MS4A2: variants seen among roughly 807,000 people sequenced by gnomAD.
The protein encoded by MS4A2 is high affinity immunoglobulin epsilon receptor subunit beta.
A neutral mutation model predicts 27.9 loss-of-function variants in MS4A2; 26 were observed. That is an observed-to-expected ratio of 0.93 (90% CI 0.68 to 1.29). MS4A2 has a LOEUF of 1.29. Among genes scored for constraint, MS4A2 ranks in the 50% most tolerant of loss-of-function variants. MS4A2 has a pLI of 0.00. For missense variants in MS4A2, 284 were observed against 284.6 expected, an observed-to-expected ratio of 1.00 and a Z score of 0.01; for synonymous variants, 110 against 98.8, an observed-to-expected ratio of 1.11 and a Z score of -0.67.
At chr11:60,091,103 A>C (rs575103) in intron 3 of MS4A2, among the ~76,000 whole-genome samples, 11,080 of 152,214 alleles carry the variant, frequency 0.073, 825 homozygotes, top group African/African-American at 0.18. Context: ...GTGAGCTGAG[A>C]TTGTGCCATT....
rs191491307 is a variant in MS4A2, at chr11:60,095,964, A to C, written c.*308A>C. ...TTATAACTGTGCAAATACAGAAAAA[A>C]AGAAGGCTGGCTGAAAGTTGAGTTA... On this transcript the variant is annotated 3_prime_UTR_variant, in exon 7 of 7. Coordinates refer to ENST00000278888, the MANE Select transcript of MS4A2 (RefSeq NM_000139.5). 3.4e-6 allele frequency: 1 copy of C among 292,202 alleles called. No individual in the cohort carries two copies. The highest frequency in any genetic ancestry group is 7.7e-5 in the East Asian group (1 of 12,914). 18.1% of individuals were successfully genotyped at this position (292,202 alleles called of 1,614,324 possible). A position where few individuals can be genotyped will look rare whatever the true frequency, so the allele number is the denominator to read the frequency against.
In MS4A2 at chr11:60,095,282, T is replaced by A. The variant is rs184884754; in HGVS notation, c.637-276T>A. Among the ~76,000 whole-genome samples the A allele has an allele frequency of 6.5e-3, 995 of 152,094 alleles. 40 individuals are homozygous for A. Among genetic ancestry groups the A allele is most frequent in the Non-Finnish European group, 2.0e-3 (139 of 67,964 alleles). On this transcript the variant is annotated intron_variant, in intron 6 of 6. Coordinates refer to ENST00000278888, the MANE Select transcript of MS4A2 (RefSeq NM_000139.5). ...TGTCTCAAAAAAAATAAAAGAAATTTAAAAAATCACTCTCTTCCAAAGATA... is the reference window on the plus strand; with the variant it reads ...TGTCTCAAAAAAAATAAAAGAAATTAAAAAAATCACTCTCTTCCAAAGATA...
chr11:60,094,097 A>G, intron 6 of MS4A2, 35 bp downstream of exon 6: 2 of 1,415,760 alleles, frequency 1.4e-6, no homozygotes, highest in Non-Finnish European at 2.0e-6. Context: ...CTTGAATGAC[A>G]GGTTAACGAA....
chr11:60,093,295 G>A (rs538898815), intron 4 of MS4A2, 105 bp from the exon 5 acceptor site: 2 of 1,443,822 alleles, frequency 1.4e-6, no homozygotes, highest in African/African-American at 2.8e-5. Flanking sequence ...AAATTTGGAA[G>A]CAATGTGGAA....
rs1855837201 is a variant in MS4A2 at position 60,094,792 on chromosome 11, C to G, written c.636+730C>G. Among the ~76,000 whole-genome samples, 2 of 152,112 alleles carry G rather than the reference C, an allele frequency of 1.3e-5. 1 individual carries two copies. Among genetic ancestry groups the G allele is most frequent in the South Asian group, 4.2e-4 (2 of 4,796 alleles). On this transcript the variant is annotated intron_variant, in intron 6 of 6. Coordinates refer to ENST00000278888, the MANE Select transcript of MS4A2 (RefSeq NM_000139.5). ...GCAAAACCAAATCTTCAATTAAAAC[C>G]AAATCTTAAACCAAATCTCTACTAA...
In MS4A2 at chr11:60,092,296, C is replaced by CT. The variant is rs3038646; in HGVS notation, c.322-479dup. On this transcript the variant is annotated intron_variant, in intron 3 of 6. Transcript: ENST00000278888. ...AAGACCCTCATATGATTCATATACA[C>CT]TTTTTTTTTTTTTTTTTAGATGGAG... Among the ~76,000 whole-genome samples, 1,075 of 139,908 alleles carry CT rather than the reference C, an allele frequency of 7.7e-3. 6 individuals carry two copies. Among genetic ancestry groups the CT allele is most frequent in the South Asian group, 0.018 (80 of 4,328 alleles). 91.8% of individuals were successfully genotyped at this position (139,908 alleles called of 152,430 possible). A position where few individuals can be genotyped will look rare whatever the true frequency, so the allele number is the denominator to read the frequency against.
At chr11:60,091,906 A>T (rs923311211) in intron 3 of MS4A2, among the ~76,000 whole-genome samples, 2 of 152,152 alleles carry the variant, frequency 1.3e-5, no homozygotes, top group African/African-American at 4.8e-5. Flanking sequence ...TCTTTAGGAG[A>T]TTGCTTTGAA....
chr11:60,095,547 TC>T lies in MS4A2; in HGVS notation c.637-8del. The stretch of plus-strand genomic sequence containing the variant: ...GTGGTGATTGATATGAAATGATTTT[TC>T]CCTTATCAGGTTCCAGAGGATCGTG... On this transcript the variant is annotated splice_polypyrimidine_tract_variant and intron_variant, in intron 6 of 6. Transcript: ENST00000278888. 1 of 1,556,942 alleles carries T rather than the reference TC, an allele frequency of 6.4e-7. No individual in the cohort carries two copies. Among genetic ancestry groups the T allele is most frequent in the Non-Finnish European group, 8.9e-7 (1 of 1,128,046 alleles).
chr11:60,092,778 T>G lies in MS4A2; in HGVS notation c.322-14T>G. 1 of 1,612,084 alleles carries G rather than the reference T, an allele frequency of 6.2e-7. No individual in the cohort carries two copies. The highest frequency in any genetic ancestry group is 8.5e-7 in the Non-Finnish European group (1 of 1,178,586). ...GAAACTCATTGTGGCTTTTTTTTCC[T>G]CCTTTTTGAACAGTTTTCTATTTCT... On this transcript the variant is annotated splice_polypyrimidine_tract_variant and intron_variant, in intron 3 of 6. Transcript: ENST00000278888.
Position 60,093,364 on chromosome 11 carries a change from G to T in MS4A2, c.379-36G>T, listed in dbSNP as rs370473253. On this transcript the variant is annotated intron_variant, in intron 4 of 6. Transcript: ENST00000278888. ...AGGTTTATTGAATGTGCCAGCAAGT[G>T]CAGGCCCAGGTCTGAGTGTTCTTCA... 3.7e-6 allele frequency: 6 copies of T among 1,613,794 alleles called. No homozygotes were observed. The African/African-American group carries it at 4.0e-5, about 11-fold the overall frequency.
rs1473933355 is a variant in MS4A2, at chr11:60,095,748, C to T, written c.*92C>T. The T allele has an allele frequency of 1.3e-6, 1 of 792,436 alleles. No individual in the cohort carries two copies. Among genetic ancestry groups the T allele is most frequent in the Non-Finnish European group, 2.3e-6 (1 of 443,914 alleles). 49.1% of individuals were successfully genotyped at this position (792,436 alleles called of 1,614,324 possible). A position where few individuals can be genotyped will look rare whatever the true frequency, so the allele number is the denominator to read the frequency against. The stretch of plus-strand genomic sequence containing the variant: ...GCTACTGGAAAAATTTCTATTCTCT[C>T]CACAGCCTGCTGGTTTTACATTAGA... On this transcript the variant is annotated 3_prime_UTR_variant, in exon 7 of 7. Transcript: ENST00000278888.
At position 60,088,753 on chromosome 11, in the gene MS4A2, G is replaced by C. The variant is rs574715957; in HGVS notation, c.-13G>C. The C allele has an allele frequency of 6.2e-7, 1 of 1,609,648 alleles. No homozygotes were observed. The highest frequency in any genetic ancestry group is 8.5e-7 in the Non-Finnish European group (1 of 1,177,424). On this transcript the variant is annotated 5_prime_UTR_variant, in exon 1 of 7. Transcript: ENST00000278888. Reference sequence around the variant, plus strand: ...AATATTCTTTATTCCTGGACAGCTCGGTTAATGAAAAAATGGACACAGAAA... The same window carrying C: ...AATATTCTTTATTCCTGGACAGCTCCGTTAATGAAAAAATGGACACAGAAA...
chr11:60,095,786 A>G lies in MS4A2; in HGVS notation c.*130A>G. 1 of 706,556 alleles carries G rather than the reference A, an allele frequency of 1.4e-6. No individual in the cohort carries two copies. Among genetic ancestry groups the G allele is most frequent in the Non-Finnish European group, 2.6e-6 (1 of 385,638 alleles). The allele number at this position is 706,556 out of a possible 1,614,324, so 43.8% of individuals were successfully genotyped here. On this transcript the variant is annotated 3_prime_UTR_variant, in exon 7 of 7. Transcript: ENST00000278888. ...GTTTTACATTAGATTTATTCGCCTG[A>G]TAAGAATATTTTGTTTCTGCTGCTT...
intron 6 of MS4A2, among the ~76,000 whole-genome samples, chr11:60,094,876 G>A (rs146536579): frequency 0.012 from 1,853 of 152,260 alleles, 36 homozygotes; most frequent in African/African-American, 0.042. Flanking sequence ...TTAGCCCAGC[G>A]TGGTGGCAGG....
At position 60,090,388 on chromosome 11, in the gene MS4A2, G is replaced by T. The variant is rs372506133; in HGVS notation, c.239G>T (p.Cys80Phe). 3.1e-6 allele frequency: 5 copies of T among 1,613,212 alleles called. No individual in the cohort carries two copies. The highest frequency in any genetic ancestry group is 3.4e-6 in the Non-Finnish European group (4 of 1,179,814). Residue 80 changes from cysteine (C) to phenylalanine (F), a missense_variant, in exon 3 of 7, where the codon TGC (cysteine) becomes TTC (phenylalanine). Coordinates refer to ENST00000278888, the MANE Select transcript of MS4A2 (RefSeq NM_000139.5). ...TGCCTTTGTTTTGGAACAGTTGTCTGCTCTGTACTTGATATTTCACACATT... is the reference window on the plus strand; with the variant it reads ...TGCCTTTGTTTTGGAACAGTTGTCTTCTCTGTACTTGATATTTCACACATT... ...MICLCFGTVV[C>F]SVLDISHIEG...
chr11:60,096,173 A>G lies in MS4A2; in HGVS notation c.*517A>G, dbSNP rs1449830879. 1.3e-5 allele frequency: 2 copies of G among 155,058 alleles called. No homozygotes were observed. Among genetic ancestry groups the G allele is most frequent in the African/African-American group, 4.8e-5 (2 of 41,462 alleles). The allele number at this position is 155,058 out of a possible 1,614,324, so 9.6% of individuals were successfully genotyped here. On this transcript the variant is annotated 3_prime_UTR_variant, in exon 7 of 7. Coordinates refer to ENST00000278888, the MANE Select transcript of MS4A2 (RefSeq NM_000139.5). ...GCAAATATTTTACCACCAGTCAATA[A>G]TACATTTTTGCCAAGACATGAAGTT...
In MS4A2 at chr11:60,090,340, C is replaced by T. The variant is rs1565074043; in HGVS notation, c.191C>T (p.Thr64Ile). 3 of 1,612,640 alleles carry T rather than the reference C, an allele frequency of 1.9e-6. No individual in the cohort carries two copies. Among genetic ancestry groups the T allele is most frequent in the Non-Finnish European group, 2.5e-6 (3 of 1,179,784 alleles). Residue 64 changes from threonine (T) to isoleucine (I), a missense_variant, in exon 3 of 7, where the codon ACA becomes ATA. Thr to Ile is a moderately conservative substitution (Grantham distance 89, BLOSUM62 -1). Coordinates refer to ENST00000278888, the MANE Select transcript of MS4A2 (RefSeq NM_000139.5). Reference protein sequence around the residue: ...LKKEQEFLGVTQILTAMICLC... With the variant: ...LKKEQEFLGVIQILTAMICLC... ...AATTCATGTGTTTTTCTATAGGTAA[C>T]ACAAATTCTGACTGCTATGATATGC...
upstream of MS4A2, chr11:60,088,504 A>G (rs558048837): frequency 1.2e-6 from 1 of 845,948 alleles, no homozygotes; most frequent in African/African-American, 1.7e-5. Context: ...ATTATGCTCC[A>G]GGAGTCTCAA....
rs1855883903 is a variant in MS4A2, at chr11:60,097,173, C to T, written c.*1517C>T. 6.6e-6 allele frequency: 1 copy of T among 151,990 alleles called. No homozygotes were observed. The allele number at this position is 151,990 out of a possible 1,614,324, so 9.4% of individuals were successfully genotyped here. The stretch of plus-strand genomic sequence containing the variant: ...TGAAGCTAAGCTAAACTTCACATGC[C>T]TATAATTGGAGGGAAAAACTAAGGA... On this transcript the variant is annotated 3_prime_UTR_variant, in exon 7 of 7. Coordinates refer to ENST00000278888, the MANE Select transcript of MS4A2 (RefSeq NM_000139.5).
Sources: gnomAD v4.1 joint callset for allele counts (sites outside exome capture counted in the v4.1 genomes callset) on GRCh38, gnomAD v4.1.1 for gene constraint, MANE v1.5 for transcripts, NCBI Gene and HGNC (gene_info 2026-07-23, HGNC 2026-07-21) for gene names.